Variants in NCOA2 observed in about 807,000 individuals in gnomAD.
NCOA2 encodes the protein nuclear receptor coactivator 2, also known as class E basic helix-loop-helix protein 75.
Under a neutral mutation model 145.1 loss-of-function variants are expected in NCOA2, and 21 were observed. The observed-to-expected ratio is 0.14, with a 90% CI of 0.10 to 0.21. The LOEUF (loss-of-function observed/expected upper bound fraction) is 0.21. Among genes scored for constraint, NCOA2 ranks in the 10% least tolerant of loss-of-function variants. The pLI is 1.00. For missense variants in NCOA2, 1,472 were observed against 1,837.6 expected (o/e 0.80, Z 3.64); for synonymous variants, 619 against 637.5 (o/e 0.97, Z 0.44).
chr8:70,187,984 G>A (rs952475138), intron 4 of NCOA2, among the ~76,000 whole-genome samples: 3 of 152,208 alleles, frequency 2.0e-5, no homozygotes, highest in African/African-American at 7.2e-5. Flanking sequence ...CAATGCAGAT[G>A]CATGGGTTGA....
At chr8:70,356,090 A>G (rs1214480936) in intron 1 of NCOA2, among the ~76,000 whole-genome samples, 1 of 152,180 alleles carries the variant, frequency 6.6e-6, no homozygotes, top group African/African-American at 2.4e-5. Context: ...GATTATAATA[A>G]TAATTTTTAC....
At chr8:70,125,745 C>A (rs886195210) in intron 19 of NCOA2, among the ~76,000 whole-genome samples, 5 of 152,056 alleles carry the variant, frequency 3.3e-5, no homozygotes, top group Non-Finnish European at 7.3e-5. Flanking sequence ...TACTTTAGGG[C>A]TATCCAATAT....
chr8:70,392,131 A>G (rs1223078989), intron 1 of NCOA2, among the ~76,000 whole-genome samples: 1 of 152,220 alleles, frequency 6.6e-6, no homozygotes, highest in Non-Finnish European at 1.5e-5. Flanking sequence ...GTTGGGACCA[A>G]AGAAATCCTT....
intron 1 of NCOA2, among the ~76,000 whole-genome samples, chr8:70,388,867 TA>T (rs1249002375): frequency 6.6e-6 from 1 of 152,204 alleles, no homozygotes; most frequent in Non-Finnish European, 1.5e-5. Context: ...AGTTTACAAT[TA>T]CTTAGTGGAG....
intron 1 of NCOA2, among the ~76,000 whole-genome samples, chr8:70,390,682 A>G (rs1455918370): frequency 1.3e-5 from 2 of 152,074 alleles, no homozygotes; most frequent in African/African-American, 2.4e-5. Flanking sequence ...TGAGAGGATC[A>G]CTTGAGCCCA....
chr8:70,418,796 C>G, the NCOA2 span, among the ~76,000 whole-genome samples: 1 of 152,170 alleles, frequency 6.6e-6, no homozygotes, highest in Non-Finnish European at 1.5e-5. Context: ...ATACATAACA[C>G]TGAAATAGTA....
chr8:70,436,128 A>C, the NCOA2 span, among the ~76,000 whole-genome samples: 1 of 152,236 alleles, frequency 6.6e-6, no homozygotes, highest in African/African-American at 2.4e-5. Context: ...CCAAAACAAA[A>C]AACAAATAAT....
intron 1 of NCOA2, among the ~76,000 whole-genome samples, chr8:70,315,136 T>A (rs1805487795): frequency 6.6e-6 from 1 of 152,218 alleles, no homozygotes; most frequent in Admixed American, 6.5e-5. Context: ...GGGATGATCA[T>A]CTAGCTTGTT....
chr8:70,258,373 G>A (rs938869708), intron 2 of NCOA2, among the ~76,000 whole-genome samples: 2 of 152,076 alleles, frequency 1.3e-5, no homozygotes, highest in South Asian at 4.1e-4. Context: ...CTACTACCGT[G>A]CCCAACTTTC....
chr8:70,320,870 T>C (rs985088762), intron 1 of NCOA2, among the ~76,000 whole-genome samples: 1 of 152,220 alleles, frequency 6.6e-6, no homozygotes, highest in Admixed American at 6.5e-5. Context: ...ATATTGTCTT[T>C]AGTAAGTGTT....
rs1818022022 is a variant in NCOA2, at chr8:70,202,746, G to C, written c.259+11157C>G. Among the ~76,000 whole-genome samples, 3 of 152,146 alleles carry C rather than the reference G, an allele frequency of 2.0e-5. No individual in the cohort carries two copies. In the South Asian group the frequency reaches 6.2e-4, roughly 32 times the overall value. On this transcript the variant is annotated intron_variant, in intron 4 of 22. Coordinates refer to ENST00000452400, the MANE Select transcript of NCOA2 (RefSeq NM_006540.4). ...TTTACTCATGCAAGATGAAATTCTA[G>C]AGATCCACTGTACAACAATGTGCAT...
At chr8:70,427,593 A>G in the NCOA2 span, among the ~76,000 whole-genome samples, 1 of 152,224 alleles carries the variant, frequency 6.6e-6, no homozygotes, top group Non-Finnish European at 1.5e-5. Flanking sequence ...ATATTCTAAA[A>G]GCCCTTACAA....
At chr8:70,115,587 C>A (rs1318616955) in intron 22 of NCOA2, among the ~76,000 whole-genome samples, 1 of 152,228 alleles carries the variant, frequency 6.6e-6, no homozygotes, top group African/African-American at 2.4e-5. Flanking sequence ...TCACCACTAT[C>A]ACCATCATCA....
intron 2 of NCOA2, among the ~76,000 whole-genome samples, chr8:70,230,355 G>A (rs1821027744): frequency 6.6e-6 from 1 of 152,168 alleles, no homozygotes; most frequent in African/African-American, 2.4e-5. Context: ...TGAGTACAGG[G>A]TTTCTTTTGG....
intron 12 of NCOA2, among the ~76,000 whole-genome samples, chr8:70,146,132 T>C (rs1240339869): frequency 6.6e-6 from 1 of 152,238 alleles, no homozygotes; most frequent in Admixed American, 6.5e-5. Flanking sequence ...GGATTAGAAT[T>C]AGATTAAAAG....
chr8:70,123,749 G>A, intron 21 of NCOA2, 135 bp downstream of exon 21: 1 of 619,934 alleles, frequency 1.6e-6, no homozygotes, highest in East Asian at 3.0e-5. Flanking sequence ...CACAGGTGAA[G>A]GGTGAAAAAC....
chr8:70,253,097 G>A (rs1287400859), intron 2 of NCOA2, among the ~76,000 whole-genome samples: 1 of 152,054 alleles, frequency 6.6e-6, no homozygotes, highest in East Asian at 1.9e-4. Flanking sequence ...AAATTTTTGT[G>A]AAGATTATTT....
At chr8:70,158,506 A>T (rs1400637707) in intron 10 of NCOA2, among the ~76,000 whole-genome samples, 2 of 152,226 alleles carry the variant, frequency 1.3e-5, no homozygotes, top group Non-Finnish European at 2.9e-5. Context: ...AAAATCTAAA[A>T]TATTATTTGT....
intron 1 of NCOA2, among the ~76,000 whole-genome samples, chr8:70,365,898 G>A (rs1426499526): frequency 6.6e-6 from 1 of 152,186 alleles, no homozygotes; most frequent in Non-Finnish European, 1.5e-5. Flanking sequence ...AGGTGCAAGA[G>A]AGCCAGGCCC....
Sources: allele counts gnomAD v4.1 joint callset (sites outside exome capture counted in the v4.1 genomes callset), GRCh38; gene constraint gnomAD v4.1.1; transcripts MANE v1.5; gene names NCBI Gene and HGNC (gene_info 2026-07-23, HGNC 2026-07-21).